The following SSH2 variants were observed in gnomAD, a reference collection of about 807,000 sequenced individuals.
SSH2 encodes slingshot protein phosphatase 2.
Under a neutral mutation model 135.2 loss-of-function variants are expected in SSH2, and 37 were observed. That is an observed-to-expected ratio of 0.27 (90% CI 0.21 to 0.36). The LOEUF (loss-of-function observed/expected upper bound fraction) is 0.36, where lower values mean the gene tolerates loss of function less well. Among genes scored for constraint, SSH2 ranks in the 10% least tolerant of loss-of-function variants. SSH2 has a pLI of 1.00. For synonymous variants in SSH2, 628 were observed against 646.2 expected (o/e 0.97, Z 0.43); for missense variants, 1,408 against 1,765.3 (o/e 0.80, Z 3.63).
At chr17:29,803,312 T>C (rs2042283843) in intron 2 of SSH2, among the ~76,000 whole-genome samples, 1 of 152,238 alleles carries the variant, frequency 6.6e-6, no homozygotes, top group African/African-American at 2.4e-5. Flanking sequence ...AGTTAGCATA[T>C]GAGCTGGTAT....
At chr17:29,682,861 A>G (rs1171908977) in intron 6 of SSH2, among the ~76,000 whole-genome samples, 1 of 152,236 alleles carries the variant, frequency 6.6e-6, no homozygotes, top group African/African-American at 2.4e-5. Context: ...AAAACCATGC[A>G]GGAGAAATCT....
At chr17:29,778,639 T>TA (rs1165886141) in intron 3 of SSH2, among the ~76,000 whole-genome samples, 2 of 140,858 alleles carry the variant, frequency 1.4e-5, no homozygotes, top group Non-Finnish European at 3.1e-5. Context: ...AGATTCTGTC[T>TA]AAAAAAATAA....
intron 1 of SSH2, among the ~76,000 whole-genome samples, chr17:29,919,613 T>G (rs1455702180): frequency 6.6e-6 from 1 of 152,076 alleles, no homozygotes; most frequent in East Asian, 1.9e-4. Flanking sequence ...ATTAACAAGA[T>G]TCTTAAGGTT....
intron 3 of SSH2, among the ~76,000 whole-genome samples, chr17:29,771,513 G>A (rs887251522): frequency 6.6e-6 from 1 of 152,002 alleles, no homozygotes; most frequent in African/African-American, 2.4e-5. Context: ...TTTCTCCCTG[G>A]GAGCACTGCC....
intron 2 of SSH2, among the ~76,000 whole-genome samples, chr17:29,832,936 G>T (rs1166058596): frequency 6.6e-6 from 1 of 152,092 alleles, no homozygotes; most frequent in Non-Finnish European, 1.5e-5. Context: ...CAAAGTGCTG[G>T]GATTACAGGT....
chr17:29,868,325 T>A (rs1279614915), intron 1 of SSH2, among the ~76,000 whole-genome samples: 1 of 152,106 alleles, frequency 6.6e-6, no homozygotes, highest in East Asian at 1.9e-4. Flanking sequence ...CAATTACACA[T>A]TTTGTCCTAG....
intron 6 of SSH2, 140 bp downstream of exon 6, chr17:29,684,423 G>A (rs559247868): frequency 2.8e-6 from 2 of 722,842 alleles, no homozygotes; most frequent in African/African-American, 1.8e-5. Context: ...GTTGCAGTGA[G>A]CCGAGATTGA....
chr17:29,791,917 C>CTTTTTT (rs36064413), intron 3 of SSH2, among the ~76,000 whole-genome samples: 1 of 128,334 alleles, frequency 7.8e-6, no homozygotes. Flanking sequence ...TCTTCTTCCT[C>CTTTTTT]TTTTTTTTTT....
At chr17:29,747,652 C>G (rs1242529083) in intron 3 of SSH2, among the ~76,000 whole-genome samples, 1 of 152,222 alleles carries the variant, frequency 6.6e-6, no homozygotes, top group South Asian at 2.1e-4. Flanking sequence ...CGATGCAAAG[C>G]TAACTCTAAC....
chr17:29,790,139 C>T lies in SSH2; in HGVS notation c.188+3755G>A, dbSNP rs550015588. On this transcript the variant is annotated intron_variant, in intron 3 of 15. Transcript: ENST00000540801. The stretch of plus-strand genomic sequence containing the variant: ...TGAGAACATGAATTTTGTGGGTTCC[C>T]GGGCAAAATATTATGGACTTAATGC... Among the ~76,000 whole-genome samples, 26 of 152,134 alleles carry T rather than the reference C, an allele frequency of 1.7e-4. No homozygotes were observed. In the South Asian group the frequency reaches 3.9e-3, roughly 23 times the overall value.
intron 3 of SSH2, among the ~76,000 whole-genome samples, chr17:29,739,686 T>C (rs1291535277): frequency 6.6e-6 from 1 of 152,172 alleles, no homozygotes; most frequent in Non-Finnish European, 1.5e-5. Flanking sequence ...CAGATCCTAA[T>C]AGGGCAAAAG....
Position 29,648,354 on chromosome 17 carries a change from G to A in SSH2, c.1227-10C>T, listed in dbSNP as rs200757949. ...TTTAGATCCATGTTTCCTTGTTTGG[G>A]GGATTGAGGTAAAGAATAGAGGAAA... is the stretch of plus-strand genomic sequence containing the variant. On this transcript the variant is annotated splice_polypyrimidine_tract_variant and intron_variant, in intron 13 of 15. Transcript: ENST00000540801. 362 of 1,593,474 alleles carry A rather than the reference G, an allele frequency of 2.3e-4. 2 individuals carry two copies. The highest frequency in any genetic ancestry group is 3.8e-4 in the South Asian group (34 of 88,642).
intron 3 of SSH2, among the ~76,000 whole-genome samples, chr17:29,725,046 T>C (rs951063031): frequency 8.6e-5 from 13 of 151,732 alleles, no homozygotes; most frequent in African/African-American, 3.1e-4. Flanking sequence ...GCAATGAACT[T>C]TTATAAAAGC....
chr17:29,815,123 A>ATTTTTTTT (rs71360722), intron 2 of SSH2, among the ~76,000 whole-genome samples: 3 of 98,024 alleles, frequency 3.1e-5, no homozygotes, highest in African/African-American at 8.1e-5. Flanking sequence ...TATTTTTTGT[A>ATTTTTTTT]TTTTTTTTTT....
At position 29,633,634 on chromosome 17, in the gene SSH2, C is replaced by G. The variant is rs552062311; in HGVS notation, c.2263-703G>C. On this transcript the variant is annotated intron_variant, in intron 15 of 15. Coordinates refer to ENST00000540801, the MANE Select transcript of SSH2 (RefSeq NM_001282129.2). The stretch of plus-strand genomic sequence containing the variant: ...TTTACTTGGCTTACACAGCCACATG[C>G]CTTAGCAAACTTAGAAACCATAACT... 1.9e-3 allele frequency among the ~76,000 whole-genome samples: 297 copies of G among 152,308 alleles called. 1 individual carries two copies. Among genetic ancestry groups the G allele is most frequent in the Non-Finnish European group, 9.1e-4 (62 of 68,028 alleles).
chr17:29,913,347 A>AAAAAAAAAAAAAAAAAAATTAT, intron 1 of SSH2, among the ~76,000 whole-genome samples: 1 of 28,786 alleles, frequency 3.5e-5, no homozygotes, highest in Non-Finnish European at 5.9e-5. Flanking sequence ...AAAAAAAAAA[A>AAAAAAAAAAAAAAAAAAATTAT]ATATATATAT....
rs936616029 is a variant in SSH2 at position 29,631,695 on chromosome 17, G to C, written c.3499C>G (p.Leu1167Val). 1.7e-5 allele frequency: 28 copies of C among 1,614,090 alleles called. No homozygotes were observed. Among genetic ancestry groups the C allele is most frequent in the Non-Finnish European group, 2.1e-5 (25 of 1,180,038 alleles). The stretch of plus-strand genomic sequence containing the variant: ...CTGCTCTGCTCTGTGAAGCCCTCCA[G>C]GTGAACCATAGTCTGGGGATGCAGG... ...DYLHPQTMVHLEGFTEQSSTT... is the reference protein window; with the variant it reads ...DYLHPQTMVHVEGFTEQSSTT... Residue 1167 changes from leucine (L) to valine (V), a missense_variant, in exon 16 of 16, where the codon CTG becomes GTG. Leu to Val is a conservative substitution (Grantham distance 32, BLOSUM62 1). Around this residue, in one of 3 missense-constraint regions of SSH2, gnomAD observed 1,080 missense variants for 1,144.5 expected, o/e 0.94. Transcript: ENST00000540801.
chr17:29,672,116 T>A lies in SSH2; in HGVS notation c.628A>T (p.Ser210Cys). 6.2e-7 allele frequency: 1 copy of A among 1,613,796 alleles called. No homozygotes were observed. Among genetic ancestry groups the A allele is most frequent in the Non-Finnish European group, 8.5e-7 (1 of 1,179,870 alleles). Reference protein sequence around the residue: ...SVQAMWSALQSLHKACEVARA... With the variant: ...SVQAMWSALQCLHKACEVARA... ...GCGACTTCACAAGCCTTGTGTAAGC[T>A]CTGTAGTGCAGACCTGAAAGACATG... The change falls in exon 9 of 16, where the codon AGC becomes TGC. Residue 210 changes from serine to cysteine, a missense_variant. Physicochemically the swap from Ser to Cys is moderately radical, Grantham distance 112 (BLOSUM62 -1). Coordinates refer to ENST00000540801, the MANE Select transcript of SSH2 (RefSeq NM_001282129.2).
At chr17:29,742,063 T>C (rs1371153629) in intron 3 of SSH2, among the ~76,000 whole-genome samples, 3 of 150,174 alleles carry the variant, frequency 2.0e-5, no homozygotes, top group South Asian at 2.1e-4. Context: ...GGCTTCCAAA[T>C]AGCTGGGATT....
Sources: gnomAD v4.1 joint callset for allele counts (sites outside exome capture counted in the v4.1 genomes callset) on GRCh38, gnomAD v4.1.1 for gene constraint, gnomAD v4.1.1 regional missense constraint, MANE v1.5 for transcripts, NCBI Gene and HGNC (gene_info 2026-07-23, HGNC 2026-07-21) for gene names.